Variants in GABRB3 observed in about 807,000 individuals in gnomAD.
GABRB3 encodes gamma-aminobutyric acid type A receptor subunit beta3, also known as gamma-aminobutyric acid receptor subunit beta-3.
Under a neutral mutation model 52.1 loss-of-function variants are expected in GABRB3, and 14 were observed. The ratio of observed to expected loss-of-function variants is 0.27; its 90% confidence interval spans 0.18 to 0.42. The LOEUF (loss-of-function observed/expected upper bound fraction) is 0.42, where lower values mean the gene tolerates loss of function less well. GABRB3 is among the 10% of genes least tolerant of loss of function. The probability of loss-of-function intolerance (pLI) is 1.00; values close to 1 mark genes in which losing one functional copy is unlikely to be tolerated. For synonymous variants in GABRB3, 260 were observed against 232.3 expected, an observed-to-expected ratio of 1.12 and a Z score of -1.08; for missense variants, 307 against 609.1, an observed-to-expected ratio of 0.50 and a Z score of 5.22.
In GABRB3 at chr15:26,621,732, C is replaced by G. The variant is rs1369379133; in HGVS notation, c.241-198G>C. Reference sequence around the variant, plus strand: ...TACCAGTTTTAATAGGTACATGAGTCTGTGTGTGTCACGTATAGATGTCCT... The same window carrying G: ...TACCAGTTTTAATAGGTACATGAGTGTGTGTGTGTCACGTATAGATGTCCT... On this transcript the variant is annotated intron_variant, in intron 3 of 8. Transcript: ENST00000311550. The surrounding 1 kb of genome is among the most constrained non-coding windows in gnomAD (Gnocchi z 4.1). Among the ~76,000 whole-genome samples, 6 of 152,160 alleles carry G rather than the reference C, an allele frequency of 3.9e-5. No homozygotes were observed. The highest frequency in any genetic ancestry group is 3.3e-4 in the Admixed American group (5 of 15,272).
At chr15:26,753,361 C>G (rs1890569970) in intron 3 of GABRB3, among the ~76,000 whole-genome samples, 1 of 152,200 alleles carries the variant, frequency 6.6e-6, no homozygotes, top group Non-Finnish European at 1.5e-5. Flanking sequence ...AAAGACAGAT[C>G]AGAGACCACT....
chr15:26,593,505 C>G (rs1891281445), intron 4 of GABRB3, among the ~76,000 whole-genome samples: 1 of 152,158 alleles, frequency 6.6e-6, no homozygotes, highest in Non-Finnish European at 1.5e-5. Flanking sequence ...TGTTCACATA[C>G]TGTCTCTATG....
intron 3 of GABRB3, among the ~76,000 whole-genome samples, chr15:26,757,015 G>A (rs1331697236): frequency 1.3e-5 from 2 of 152,142 alleles, no homozygotes; most frequent in Admixed American, 6.5e-5. Context: ...ACTTGTATCA[G>A]GGATAAACAT....
rs771268184 is a variant in GABRB3 at position 26,621,543 on chromosome 15, A to G, written c.241-9T>C. 5.6e-6 allele frequency: 9 copies of G among 1,599,748 alleles called. No homozygotes were observed. The highest frequency in any genetic ancestry group is 2.7e-5 in the African/African-American group (2 of 74,586). On this transcript the variant is annotated splice_polypyrimidine_tract_variant and intron_variant, in intron 3 of 8. Coordinates refer to ENST00000311550, the MANE Select transcript of GABRB3 (RefSeq NM_000814.6). The surrounding 1 kb of genome is among the most constrained non-coding windows in gnomAD (Gnocchi z 4.1). ...ATGGTTAAGGTATAATCCTGGGGGG[A>G]AAAGAAAAGAAAGAAAGTTAGTTTG...
chr15:26,699,417 T>C (rs1888853559), intron 3 of GABRB3, among the ~76,000 whole-genome samples: 1 of 151,366 alleles, frequency 6.6e-6, no homozygotes, highest in Admixed American at 6.6e-5. Flanking sequence ...ATGTCTGGCA[T>C]CCAAACAGAG....
At chr15:26,603,741 G>A (rs1451808217) in intron 4 of GABRB3, among the ~76,000 whole-genome samples, 1 of 151,686 alleles carries the variant, frequency 6.6e-6, no homozygotes, top group Non-Finnish European at 1.5e-5. Context: ...TGATAAAAAA[G>A]CACTAAAAAA....
At chr15:26,661,138 G>A (rs1340022117) in intron 3 of GABRB3, among the ~76,000 whole-genome samples, 1 of 152,070 alleles carries the variant, frequency 6.6e-6, no homozygotes, top group Non-Finnish European at 1.5e-5. Context: ...ATTAGTGTAG[G>A]TAAAAACAGG....
At chr15:26,735,955 C>CAAA (rs34968150) in intron 3 of GABRB3, among the ~76,000 whole-genome samples, 1 of 72,280 alleles carries the variant, frequency 1.4e-5, no homozygotes, top group African/African-American at 5.1e-5. Context: ...ACCTTGTCTT[C>CAAA]AAAAAAAAAA....
At chr15:26,697,805 T>C (rs939729204) in intron 3 of GABRB3, among the ~76,000 whole-genome samples, 3 of 152,282 alleles carry the variant, frequency 2.0e-5, no homozygotes, top group African/African-American at 7.2e-5. Flanking sequence ...TGGTCTTAAA[T>C]ACAAGCTTCT....
intron 6 of GABRB3, among the ~76,000 whole-genome samples, chr15:26,575,728 A>G (rs1567121413): frequency 6.6e-6 from 1 of 152,196 alleles, no homozygotes; most frequent in Non-Finnish European, 1.5e-5. Context: ...TTGAAAACTG[A>G]TTTTTGAAAA....
intron 7 of GABRB3, among the ~76,000 whole-genome samples, chr15:26,565,280 T>C (rs1890124864): frequency 6.6e-6 from 1 of 152,174 alleles, no homozygotes; most frequent in South Asian, 2.1e-4. Flanking sequence ...AGACTCAGTC[T>C]TGTATTGGCA....
At chr15:26,704,327 A>G (rs28832036) in intron 3 of GABRB3, among the ~76,000 whole-genome samples, 3,491 of 152,330 alleles carry the variant, frequency 0.023, 134 homozygotes, top group African/African-American at 0.08. Flanking sequence ...CCATTCTGCC[A>G]TCAAGGTTGT....
intron 3 of GABRB3, among the ~76,000 whole-genome samples, chr15:26,695,246 G>A (rs963819932): frequency 1.3e-5 from 2 of 152,192 alleles, no homozygotes; most frequent in African/African-American, 2.4e-5. Context: ...ACCAAGGACC[G>A]AGAGAAGATC....
At chr15:26,650,936 CCATGTTCAT>C (rs1213281417) in intron 3 of GABRB3, among the ~76,000 whole-genome samples, 6 of 152,248 alleles carry the variant, frequency 3.9e-5, no homozygotes, top group African/African-American at 1.2e-4. Context: ...CTACTGAGAG[CCATGTTCAT>C]CACTTAAGAA....
intron 3 of GABRB3, among the ~76,000 whole-genome samples, chr15:26,755,901 T>C (rs1474230462): frequency 6.6e-6 from 1 of 152,180 alleles, no homozygotes; most frequent in East Asian, 1.9e-4. Context: ...AATCTAAATG[T>C]CCAACAATAG....
intron 3 of GABRB3, among the ~76,000 whole-genome samples, chr15:26,669,604 GTCTC>G (rs141362402): frequency 3.0e-4 from 44 of 148,834 alleles, no homozygotes; most frequent in East Asian, 2.6e-3. Flanking sequence ...GACTCACTCT[GTCTC>G]TCTCTCTCTC....
At position 26,658,081 on chromosome 15, in the gene GABRB3, T is replaced by A. The variant is rs551348884; in HGVS notation, c.241-36547A>T. Among the ~76,000 whole-genome samples the A allele has an allele frequency of 1.1e-3, 161 of 152,310 alleles. 2 individuals carry two copies. Among genetic ancestry groups the A allele is most frequent in the African/African-American group, 3.7e-3 (155 of 41,564 alleles). ...TAACACCTAAAACTGATGTTTGTGG[T>A]ATTTTTCAGACTGTGCATTGTGATG... is the stretch of plus-strand genomic sequence containing the variant. On this transcript the variant is annotated intron_variant, in intron 3 of 8. Coordinates refer to ENST00000311550, the MANE Select transcript of GABRB3 (RefSeq NM_000814.6).
chr15:26,629,314 GC>G, intron 3 of GABRB3: 1 of 681,932 alleles, frequency 1.5e-6, no homozygotes, highest in Non-Finnish European at 2.2e-6. Flanking sequence ...AAAAGGCGTG[GC>G]CCAGCTCAGG....
At chr15:26,564,677 T>C (rs2140688141) in intron 7 of GABRB3, among the ~76,000 whole-genome samples, 1 of 152,206 alleles carries the variant, frequency 6.6e-6, no homozygotes, top group Non-Finnish European at 1.5e-5. Flanking sequence ...GACTAGGTGC[T>C]TGGGAAGGGG....
Sources: gnomAD v4.1 joint callset for allele counts (sites outside exome capture counted in the v4.1 genomes callset) on GRCh38, gnomAD v4.1.1 for gene constraint, Gnocchi (gnomAD v3.1) non-coding constraint, MANE v1.5 for transcripts, NCBI Gene and HGNC (gene_info 2026-07-23, HGNC 2026-07-21) for gene names.